Variants in KHDRBS2 observed in about 807,000 individuals in gnomAD.
The protein encoded by KHDRBS2 is KH RNA binding domain containing, signal transduction associated 2.
In KHDRBS2, 26 loss-of-function variants were observed where a neutral mutation model predicts 44.3. That is an observed-to-expected ratio of 0.59 (90% confidence interval 0.43 to 0.81). The LOEUF (loss-of-function observed/expected upper bound fraction) is 0.81, where lower values mean the gene tolerates loss of function less well. KHDRBS2 is among the 40% of genes least tolerant of loss of function. The pLI is 0.00. For missense variants in KHDRBS2, 476 were observed against 433.1 expected (o/e 1.10, Z -0.88); for synonymous variants, 194 against 151.1 (o/e 1.28, Z -2.08).
chr6:62,274,972 TAAC>T (rs891239839), intron 1 of KHDRBS2, among the ~76,000 whole-genome samples: 1 of 149,266 alleles, frequency 6.7e-6, no homozygotes, highest in Non-Finnish European at 1.5e-5. Context: ...AACGTATGCT[TAAC>T]AAACACAATA....
chr6:61,983,701 C>A (rs1774444811), intron 3 of KHDRBS2, among the ~76,000 whole-genome samples: 1 of 152,198 alleles, frequency 6.6e-6, no homozygotes, highest in Middle Eastern at 3.4e-3. Context: ...GGTCAGTTAT[C>A]ATTATTGCTT....
At chr6:61,921,437 T>C (rs761713590) in intron 4 of KHDRBS2, among the ~76,000 whole-genome samples, 3 of 152,028 alleles carry the variant, frequency 2.0e-5, no homozygotes, top group Non-Finnish European at 4.4e-5. Context: ...GGTGAATATT[T>C]TAGCAAATTA....
intron 1 of KHDRBS2, among the ~76,000 whole-genome samples, chr6:62,282,797 G>A (rs925973801): frequency 4.6e-5 from 7 of 152,004 alleles, no homozygotes; most frequent in Admixed American, 3.3e-4. Flanking sequence ...ACATCACTTC[G>A]TTGTATCATC....
At chr6:62,043,163 C>T (rs921086537) in intron 3 of KHDRBS2, among the ~76,000 whole-genome samples, 1 of 152,014 alleles carries the variant, frequency 6.6e-6, no homozygotes, top group African/African-American at 2.4e-5. Flanking sequence ...TTATTTGTCA[C>T]AGTTTTCAAA....
chr6:61,948,654 CATTATTATTATT>C lies in KHDRBS2; in HGVS notation c.483+29400_483+29411del, dbSNP rs145017316. Among the ~76,000 whole-genome samples, 66 of 141,594 alleles carry C rather than the reference CATTATTATTATT, an allele frequency of 4.7e-4. 2 individuals are homozygous for C. Among genetic ancestry groups the C allele is most frequent in the African/African-American group, 1.8e-4 (7 of 38,530 alleles). 92.9% of individuals were successfully genotyped at this position (141,594 alleles called of 152,430 possible). On this transcript the variant is annotated intron_variant, in intron 4 of 8. Coordinates refer to ENST00000281156, the MANE Select transcript of KHDRBS2 (RefSeq NM_152688.4). Reference sequence around the variant, plus strand: ...TGTGTTGATAAGCACTATATTCTCACATTATTATTATTATTATTATTATTATTATTATTATTA... The same window carrying C: ...TGTGTTGATAAGCACTATATTCTCACATTATTATTATTATTATTATTATTA...
At chr6:61,910,394 T>C (rs1279413807) in intron 4 of KHDRBS2, among the ~76,000 whole-genome samples, 1 of 152,228 alleles carries the variant, frequency 6.6e-6, no homozygotes, top group Non-Finnish European at 1.5e-5. Context: ...ATAAAGGCTT[T>C]ATAAAACTTA....
intron 3 of KHDRBS2, among the ~76,000 whole-genome samples, chr6:62,002,435 T>C (rs1043947982): frequency 7.2e-5 from 11 of 151,800 alleles, no homozygotes; most frequent in Non-Finnish European, 1.5e-4. Flanking sequence ...TTAAACATCA[T>C]AAATGTCTTT....
At chr6:61,604,265 G>C in the KHDRBS2 span, among the ~76,000 whole-genome samples, 1 of 147,574 alleles carries the variant, frequency 6.8e-6, no homozygotes, top group East Asian at 2.0e-4. Context: ...GGAAGCTGGA[G>C]TCATTCACTG....
At chr6:61,933,755 C>T (rs961744338) in intron 4 of KHDRBS2, among the ~76,000 whole-genome samples, 1 of 152,004 alleles carries the variant, frequency 6.6e-6, no homozygotes, top group Non-Finnish European at 1.5e-5. Context: ...ATGAGACCAC[C>T]GTGTATATGA....
rs191254313 is a variant in KHDRBS2, at chr6:62,277,046, C to T, written c.91+8812G>A. 2.3e-3 allele frequency among the ~76,000 whole-genome samples: 350 copies of T among 152,214 alleles called. 1 individual carries two copies. The highest frequency in any genetic ancestry group is 4.3e-3 in the Non-Finnish European group (292 of 68,004). On this transcript the variant is annotated intron_variant, in intron 1 of 8. Coordinates refer to ENST00000281156, the MANE Select transcript of KHDRBS2 (RefSeq NM_152688.4). ...AGTACAGTGTCTGGCAAAGAGTAAA[C>T]TCAATAAATGTTGAGATGATGATAA... is the stretch of plus-strand genomic sequence containing the variant.
At chr6:62,208,392 T>G (rs139870492) in intron 1 of KHDRBS2, among the ~76,000 whole-genome samples, 4 of 152,234 alleles carry the variant, frequency 2.6e-5, no homozygotes, top group East Asian at 3.9e-4. Context: ...TCTTGTCAGA[T>G]AGGATCTCCT....
At chr6:61,822,330 C>G (rs1790054659) in intron 6 of KHDRBS2, among the ~76,000 whole-genome samples, 1 of 151,976 alleles carries the variant, frequency 6.6e-6, no homozygotes, top group Non-Finnish European at 1.5e-5. Context: ...AGACTGAACA[C>G]TCTAACCTCC....
At chr6:62,201,210 T>G (rs1203204996) in intron 1 of KHDRBS2, among the ~76,000 whole-genome samples, 5 of 151,956 alleles carry the variant, frequency 3.3e-5, no homozygotes, top group Non-Finnish European at 7.3e-5. Context: ...GTTGTGCACA[T>G]GTACCCTAAA....
intron 2 of KHDRBS2, among the ~76,000 whole-genome samples, chr6:62,050,301 G>A (rs1427040741): frequency 6.6e-6 from 1 of 151,978 alleles, no homozygotes; most frequent in Non-Finnish European, 1.5e-5. Context: ...GGGGGTAAGG[G>A]GAGGGATATC....
chr6:62,071,915 T>C (rs1182659149), intron 2 of KHDRBS2, among the ~76,000 whole-genome samples: 1 of 152,188 alleles, frequency 6.6e-6, no homozygotes, highest in Non-Finnish European at 1.5e-5. Flanking sequence ...GCATTGAATC[T>C]ATAAATTACC....
chr6:62,188,488 A>C (rs1426837665), intron 1 of KHDRBS2, among the ~76,000 whole-genome samples: 2 of 152,118 alleles, frequency 1.3e-5, no homozygotes, highest in Non-Finnish European at 2.9e-5. Flanking sequence ...TGAAAAATGT[A>C]AAAGAGGGTA....
chr6:62,151,494 T>G (rs1176846377), intron 2 of KHDRBS2, among the ~76,000 whole-genome samples: 6 of 152,206 alleles, frequency 3.9e-5, no homozygotes, highest in Non-Finnish European at 7.3e-5. Flanking sequence ...ATCTTTAAAA[T>G]GTATCTTAAG....
the KHDRBS2 span, among the ~76,000 whole-genome samples, chr6:61,673,419 G>T: frequency 2.6e-5 from 4 of 151,610 alleles, no homozygotes; most frequent in African/African-American, 9.7e-5. Context: ...GGAAGTTCTG[G>T]CCAGGGCAAT....
chr6:61,839,620 G>A (rs749236312), intron 6 of KHDRBS2, among the ~76,000 whole-genome samples: 7 of 152,028 alleles, frequency 4.6e-5, no homozygotes, highest in African/African-American at 1.7e-4. Context: ...TACCATAATA[G>A]TAAAATTGCA....
Sources: allele counts gnomAD v4.1 joint callset (sites outside exome capture counted in the v4.1 genomes callset), GRCh38; gene constraint gnomAD v4.1.1; transcripts MANE v1.5; gene names NCBI Gene and HGNC (gene_info 2026-07-23, HGNC 2026-07-21).